Variants in DNAJC17 observed in about 807,000 individuals in gnomAD.
The protein encoded by DNAJC17 is dnaJ homolog subfamily C member 17.
DNAJC17 carries 35 observed loss-of-function variants against 48.1 expected under a neutral mutation model. That is an observed-to-expected ratio of 0.73 (90% confidence interval 0.56 to 0.96). DNAJC17 has a LOEUF of 0.96. Among genes scored for constraint, DNAJC17 ranks in the 50% least tolerant of loss-of-function variants. The pLI is 0.00. For synonymous variants in DNAJC17, 117 were observed against 142.7 expected, an observed-to-expected ratio of 0.82 and a Z score of 1.28; for missense variants, 355 against 377.1, an observed-to-expected ratio of 0.94 and a Z score of 0.48.
chr15:40,799,433 G>A (rs1212351544), intron 1 of DNAJC17, among the ~76,000 whole-genome samples: 1 of 151,962 alleles, frequency 6.6e-6, no homozygotes, highest in African/African-American at 2.4e-5. Flanking sequence ...CCCCATGAAA[G>A]GTGGTGTTTA....
At chr15:40,799,522 G>T (rs138064388) in intron 1 of DNAJC17, among the ~76,000 whole-genome samples, 8 of 152,166 alleles carry the variant, frequency 5.3e-5, no homozygotes, top group African/African-American at 1.9e-4. Flanking sequence ...GTACAGAAAG[G>T]CAGAGTTGAA....
chr15:40,771,360 G>A lies in DNAJC17; in HGVS notation c.792+2367C>T, dbSNP rs59204074. 1,437 of 334,976 alleles carry A rather than the reference G, an allele frequency of 4.3e-3. 14 individuals carry two copies. The highest frequency in any genetic ancestry group is 0.029 in the African/African-American group (1,374 of 47,484). 20.8% of individuals were successfully genotyped at this position (334,976 alleles called of 1,614,324 possible). On this transcript the variant is annotated intron_variant, in intron 10 of 10. Coordinates refer to ENST00000220496, the MANE Select transcript of DNAJC17 (RefSeq NM_018163.3). ...CTCTGTGCGGCACTACAGGAACCAG[G>A]TAGAGGCTGGCAGAGCCAGAAGGTG...
chr15:40,772,686 G>A (rs752281094), intron 10 of DNAJC17, among the ~76,000 whole-genome samples: 7 of 152,234 alleles, frequency 4.6e-5, no homozygotes, highest in Admixed American at 2.0e-4. Flanking sequence ...CTGAGGGGCT[G>A]TGGACACACC....
intron 1 of DNAJC17, among the ~76,000 whole-genome samples, chr15:40,795,139 C>T (rs982581773): frequency 2.0e-5 from 3 of 152,030 alleles, no homozygotes; most frequent in African/African-American, 7.2e-5. Context: ...CGGCTGGGCA[C>T]AGTGGCTCAC....
At chr15:40,782,742 C>A (rs909366856) in intron 1 of DNAJC17, among the ~76,000 whole-genome samples, 1 of 152,174 alleles carries the variant, frequency 6.6e-6, no homozygotes, top group Admixed American at 6.5e-5. Flanking sequence ...ACAAGGTGAG[C>A]ACCTGCTGGG....
intron 6 of DNAJC17, 108 bp downstream of exon 6, chr15:40,776,088 C>A: frequency 9.8e-7 from 1 of 1,019,038 alleles, no homozygotes; most frequent in South Asian, 1.4e-5. Context: ...CCCCAGGGTT[C>A]CAGCAGGTAG....
intron 1 of DNAJC17, among the ~76,000 whole-genome samples, chr15:40,781,963 C>T (rs908667150): frequency 3.3e-5 from 5 of 151,998 alleles, no homozygotes; most frequent in African/African-American, 9.7e-5. Context: ...GTGGTGCATG[C>T]CTGTAGTCCC....
rs1889050517 is a variant in DNAJC17 at position 40,769,272 on chromosome 15, G to A, written c.793-1210C>T. 6.6e-6 allele frequency among the ~76,000 whole-genome samples: 1 copy of A among 152,220 alleles called. No individual in the cohort carries two copies. The highest frequency in any genetic ancestry group is 1.5e-5 in the Non-Finnish European group (1 of 68,024). On this transcript the variant is annotated intron_variant, in intron 10 of 10. Coordinates refer to ENST00000220496, the MANE Select transcript of DNAJC17 (RefSeq NM_018163.3). This position sits in a 1 kb window ranked among gnomAD's most constrained non-coding sequence, Gnocchi z 4.2. ...CTCCTGCAAGAGAAGGAGGACCCCA[G>A]AGGAAGCCCGGTAGCCAGAGGGGAA...
intron 1 of DNAJC17, among the ~76,000 whole-genome samples, chr15:40,799,424 C>A (rs1321713223): frequency 6.6e-6 from 1 of 151,710 alleles, no homozygotes; most frequent in East Asian, 1.9e-4. Context: ...TTGTTAAATC[C>A]CCATGAAAGG....
intron 1 of DNAJC17, among the ~76,000 whole-genome samples, chr15:40,799,246 A>C (rs1890016746): frequency 6.7e-6 from 1 of 149,704 alleles, no homozygotes; most frequent in Admixed American, 6.7e-5. Flanking sequence ...AAAAAAAAAA[A>C]GAATTTGGTG....
intron 1 of DNAJC17, among the ~76,000 whole-genome samples, chr15:40,792,773 T>C (rs973645004): frequency 6.6e-6 from 1 of 152,204 alleles, no homozygotes; most frequent in Non-Finnish European, 1.5e-5. Flanking sequence ...AGGATCTTGA[T>C]TGGAGCTCTA....
chr15:40,804,370 G>A (rs770359172), intron 1 of DNAJC17, among the ~76,000 whole-genome samples: 2 of 151,448 alleles, frequency 1.3e-5, no homozygotes, highest in Non-Finnish European at 2.9e-5. Context: ...TTGAACCCAG[G>A]AGTTCGACAC....
intron 1 of DNAJC17, 195 bp downstream of exon 1, chr15:40,807,174 C>T: frequency 7.2e-7 from 1 of 1,386,252 alleles, no homozygotes; most frequent in Non-Finnish European, 9.6e-7. Flanking sequence ...CCCTCTGTAC[C>T]CCGCTTCCTC....
rs1889091500 is a variant in DNAJC17 at position 40,770,301 on chromosome 15, C to T, written c.793-2239G>A. ...CAGGAACTCCCAGCTGTCTGCTCTC[C>T]TGGGCAAAAAAGTTCCTTCTTCCTG... On this transcript the variant is annotated intron_variant, in intron 10 of 10. Coordinates refer to ENST00000220496, the MANE Select transcript of DNAJC17 (RefSeq NM_018163.3). The surrounding 1 kb of genome is among the most constrained non-coding windows in gnomAD (Gnocchi z 5.0). 6.6e-6 allele frequency: 4 copies of T among 604,718 alleles called. No individual in the cohort carries two copies. The highest frequency in any genetic ancestry group is 4.3e-5 in the South Asian group (2 of 46,670). The allele number at this position is 604,718 out of a possible 1,614,324, so 37.5% of individuals were successfully genotyped here.
At chr15:40,778,636 C>T (rs1889394574) in intron 4 of DNAJC17, among the ~76,000 whole-genome samples, 1 of 152,102 alleles carries the variant, frequency 6.6e-6, no homozygotes, top group Non-Finnish European at 1.5e-5. Flanking sequence ...GCTCCTTTGC[C>T]TATAAAAAAT....
intron 10 of DNAJC17, among the ~76,000 whole-genome samples, chr15:40,768,850 TCA>T (rs2141943195): frequency 6.6e-6 from 1 of 152,340 alleles, no homozygotes; most frequent in East Asian, 1.9e-4. Flanking sequence ...CAACAGCTTC[TCA>T]GAGAAGTGTG....
intron 10 of DNAJC17, among the ~76,000 whole-genome samples, chr15:40,773,203 G>A (rs1226504158): frequency 1.3e-5 from 2 of 152,014 alleles, no homozygotes; most frequent in African/African-American, 4.8e-5. Context: ...CAGGTGATCC[G>A]CCCCCCTCGG....
chr15:40,768,864 A>G (rs750430190), intron 10 of DNAJC17, among the ~76,000 whole-genome samples: 3 of 152,242 alleles, frequency 2.0e-5, no homozygotes, highest in South Asian at 2.1e-4. Flanking sequence ...AGAAGTGTGA[A>G]GCACACCTGA....
At chr15:40,799,180 G>A (rs1038884658) in intron 1 of DNAJC17, among the ~76,000 whole-genome samples, 5 of 147,188 alleles carry the variant, frequency 3.4e-5, no homozygotes, top group Admixed American at 1.4e-4. Context: ...AGCCGAGATC[G>A]TGCCACTGCA....
Sources: allele counts gnomAD v4.1 joint callset (sites outside exome capture counted in the v4.1 genomes callset), GRCh38; gene constraint gnomAD v4.1.1; non-coding constraint Gnocchi (gnomAD v3.1); transcripts MANE v1.5; gene names NCBI Gene and HGNC (gene_info 2026-07-23, HGNC 2026-07-21).